Variants in COL6A6 observed in about 807,000 individuals in gnomAD.
COL6A6 encodes the protein collagen alpha-6(VI) chain.
Under a neutral mutation model 208.6 loss-of-function variants are expected in COL6A6, and 183 were observed. That is an observed-to-expected ratio of 0.88 (90% CI 0.78 to 0.99). The LOEUF is 0.99. Among genes scored for constraint, COL6A6 ranks in the 50% least tolerant of loss-of-function variants. COL6A6 has a pLI of 0.00. For synonymous variants in COL6A6, 973 were observed against 1,011.8 expected (o/e 0.96, Z 0.73); for missense variants, 2,816 against 2,815.2 (o/e 1.00, Z -0.01).
chr3:130,622,314 G>A (rs2064750905), intron 24 of COL6A6, among the ~76,000 whole-genome samples: 1 of 150,814 alleles, frequency 6.6e-6, no homozygotes, highest in Non-Finnish European at 1.5e-5. Flanking sequence ...ATCAGCTCCA[G>A]GAGAGACATC....
rs562014634 is a variant in COL6A6, at chr3:130,574,456, A to C, written c.3478A>C (p.Asn1160His). ...GTAEKKLTVH[N>H]FDELKKVNKR... The stretch of plus-strand genomic sequence containing the variant: ...TGCAGAGAAAAAACTGACAGTGCAC[A>C]ACTTCGATGAACTGAAGAAGGTCAA... Residue 1160 changes from asparagine to histidine, a missense_variant, in exon 8 of 37, where the codon AAC becomes CAC. Asn to His is a moderately conservative substitution (Grantham distance 68, BLOSUM62 1). Coordinates refer to ENST00000358511, the MANE Select transcript of COL6A6 (RefSeq NM_001102608.3). 1 of 1,614,050 alleles carries C rather than the reference A, an allele frequency of 6.2e-7. No individual in the cohort carries two copies. Among genetic ancestry groups the C allele is most frequent in the East Asian group, 2.2e-5 (1 of 44,886 alleles).
At chr3:130,603,140 TAAACTC>T (rs2064075464) in intron 20 of COL6A6, among the ~76,000 whole-genome samples, 1 of 152,172 alleles carries the variant, frequency 6.6e-6, no homozygotes, top group Non-Finnish European at 1.5e-5. Flanking sequence ...ATACTAGAAA[TAAACTC>T]AACTACAAGC....
At chr3:130,644,933 A>G in intron 31 of COL6A6, 58 bp from the exon 32 acceptor site, 1 of 1,536,166 alleles carries the variant, frequency 6.5e-7, no homozygotes. Flanking sequence ...CCTGCACGAT[A>G]CAGAACTCTC....
intron 1 of COL6A6, among the ~76,000 whole-genome samples, chr3:130,522,548 A>T (rs188242647): frequency 5.9e-5 from 9 of 152,260 alleles, no homozygotes; most frequent in African/African-American, 2.2e-4. Context: ...GTGATTTTCT[A>T]ATCCATACCG....
intron 5 of COL6A6, 149 bp from the exon 6 acceptor site, chr3:130,567,898 C>T: frequency 1.6e-6 from 1 of 639,916 alleles, no homozygotes; most frequent in South Asian, 2.1e-5. Flanking sequence ...AATATTCTCA[C>T]TTTTATTGTC....
In COL6A6 at chr3:130,641,663, G is replaced by A. The variant is rs1218835029; in HGVS notation, c.5103G>A (p.Gly1701=). Reference sequence around the variant, plus strand: ...AATTCTCCTTTGAGATATCTGCTGGGCTTCCAGGAGAGATGGGATCCCCTG... The same window carrying A: ...AATTCTCCTTTGAGATATCTGCTGGACTTCCAGGAGAGATGGGATCCCCTG... The part of the protein sequence containing the change: ...KGARGKMISA[G]LPGEMGSPGE... Residue 1701 remains glycine (G), a synonymous_variant, in exon 29 of 37, where the codon GGG becomes GGA. Coordinates refer to ENST00000358511, the MANE Select transcript of COL6A6 (RefSeq NM_001102608.3). 6.9e-6 allele frequency: 11 copies of A among 1,589,136 alleles called. No homozygotes were observed. Among genetic ancestry groups the A allele is most frequent in the Middle Eastern group, 1.7e-4 (1 of 5,840 alleles).
In COL6A6 at chr3:130,586,624, C is replaced by T. The variant is rs1272730809; in HGVS notation, c.4089C>T (p.Gly1363=). The part of the protein sequence containing the change: ...GFEYRTQLSI[G]MRELGSRLSK... ...AGTACAGGACACAGCTCTCTATTGG[C>T]ATGAGAGAACTTGGAAGCCGGCTGT... Residue 1363 remains glycine (G), a synonymous_variant, in exon 11 of 37, where the codon GGC becomes GGT. Transcript: ENST00000358511. 9.9e-6 allele frequency: 16 copies of T among 1,613,212 alleles called. No homozygotes were observed. The highest frequency in any genetic ancestry group is 1.3e-5 in the Non-Finnish European group (15 of 1,179,684).
chr3:130,537,360 A>T (rs757624228), intron 1 of COL6A6, among the ~76,000 whole-genome samples: 13 of 152,308 alleles, frequency 8.5e-5, no homozygotes, highest in Non-Finnish European at 1.3e-4. Flanking sequence ...AATGGCTGGC[A>T]CTTAGTAGTG....
chr3:130,570,667 T>C, intron 6 of COL6A6, 151 bp from the exon 7 acceptor site: 1 of 619,072 alleles, frequency 1.6e-6, no homozygotes, highest in Non-Finnish European at 2.8e-6. Flanking sequence ...CCAATGTATG[T>C]GTATTGTCCT....
At chr3:130,634,480 C>A in intron 26 of COL6A6, 110 bp from the exon 27 acceptor site, 1 of 905,094 alleles carries the variant, frequency 1.1e-6, no homozygotes, top group Non-Finnish European at 1.7e-6. Flanking sequence ...TTGGCCCTTC[C>A]TTAATTCAGA....
intron 33 of COL6A6, among the ~76,000 whole-genome samples, chr3:130,657,362 G>A (rs1390805514): frequency 6.6e-6 from 1 of 152,202 alleles, no homozygotes; most frequent in East Asian, 1.9e-4. Context: ...CCATCAAATC[G>A]AGCAGCCCTC....
rs746417124 is a variant in COL6A6, at chr3:130,565,151, T to C, written c.819T>C (p.Tyr273=). 2 of 1,614,048 alleles carry C rather than the reference T, an allele frequency of 1.2e-6. No individual in the cohort carries two copies. Among genetic ancestry groups the C allele is most frequent in the Non-Finnish European group, 1.7e-6 (2 of 1,179,870 alleles). Residue 273 remains tyrosine, a synonymous_variant, in exon 4 of 37, where the codon TAT becomes TAC. Coordinates refer to ENST00000358511, the MANE Select transcript of COL6A6 (RefSeq NM_001102608.3). ...GCATGAGGGTTGGCCTTGTGGCCTA[T>C]AGCAATGAGACAAAAGTGATAAATT... The part of the protein sequence containing the change: ...ENCMRVGLVA[Y]SNETKVINSL...
rs1013008709 is a variant in COL6A6, at chr3:130,649,253, C to T, written c.5424C>T (p.His1808=). Residue 1808 remains histidine, a synonymous_variant, in exon 33 of 37, where the codon CAC becomes CAT. Coordinates refer to ENST00000358511, the MANE Select transcript of COL6A6 (RefSeq NM_001102608.3). Reference sequence around the variant, plus strand: ...TCGCCATCCTCTCCTATAACTCCCACGCCAGGCACCTTGTGCGCTTCTCAG... The same window carrying T: ...TCGCCATCCTCTCCTATAACTCCCATGCCAGGCACCTTGTGCGCTTCTCAG... ...AHIAILSYNS[H]ARHLVRFSDA... 2.5e-6 allele frequency: 4 copies of T among 1,596,890 alleles called. No individual in the cohort carries two copies. Among genetic ancestry groups the T allele is most frequent in the Middle Eastern group, 1.7e-4 (1 of 6,042 alleles).
intron 1 of COL6A6, among the ~76,000 whole-genome samples, chr3:130,527,558 G>A (rs2061986220): frequency 6.6e-6 from 1 of 152,192 alleles, no homozygotes; most frequent in African/African-American, 2.4e-5. Context: ...CTGTTCTCTT[G>A]GAAGACAAAA....
chr3:130,530,554 C>A (rs1248191715), intron 1 of COL6A6, among the ~76,000 whole-genome samples: 1 of 152,146 alleles, frequency 6.6e-6, no homozygotes, highest in African/African-American at 2.4e-5. Flanking sequence ...CTGTGCAACT[C>A]TGGGAAAATT....
At chr3:130,575,822 G>A (rs1054556181) in intron 8 of COL6A6, among the ~76,000 whole-genome samples, 1 of 151,996 alleles carries the variant, frequency 6.6e-6, no homozygotes, top group Non-Finnish European at 1.5e-5. Context: ...TAGGTCCTTC[G>A]AAGATTCCAC....
At chr3:130,562,461 A>C (rs2062914349) in intron 2 of COL6A6, among the ~76,000 whole-genome samples, 1 of 152,202 alleles carries the variant, frequency 6.6e-6, no homozygotes, top group African/African-American at 2.4e-5. Context: ...GATATTTAAA[A>C]TAACCTTGAA....
chr3:130,532,333 C>A (rs990553827), intron 1 of COL6A6, among the ~76,000 whole-genome samples: 2 of 152,036 alleles, frequency 1.3e-5, no homozygotes, highest in South Asian at 2.1e-4. Context: ...AGTTTCTGTA[C>A]CCCCCCATCC....
chr3:130,565,826 T>A (rs1344853672), intron 4 of COL6A6, among the ~76,000 whole-genome samples: 2 of 152,194 alleles, frequency 1.3e-5, no homozygotes, highest in Non-Finnish European at 1.5e-5. Context: ...CCCCTTTTAG[T>A]TCCTCTTTTG....
Sources: allele counts gnomAD v4.1 joint callset (sites outside exome capture counted in the v4.1 genomes callset), GRCh38; gene constraint gnomAD v4.1.1; transcripts MANE v1.5; gene names NCBI Gene and HGNC (gene_info 2026-07-23, HGNC 2026-07-21).